Variants in ROBO2 observed in about 807,000 individuals in gnomAD.
ROBO2 encodes the protein roundabout homolog 2.
ROBO2 carries 53 observed loss-of-function variants against 160.8 expected under a neutral mutation model. The ratio of observed to expected loss-of-function variants is 0.33; its 90% CI spans 0.26 to 0.41. The LOEUF (loss-of-function observed/expected upper bound fraction) is 0.41. Among genes scored for constraint, ROBO2 ranks in the 10% least tolerant of loss-of-function variants. The pLI is 1.00. For synonymous variants in ROBO2, 664 were observed against 611.7 expected, an observed-to-expected ratio of 1.09 and a Z score of -1.26; for missense variants, 1,577 against 1,722.4, an observed-to-expected ratio of 0.92 and a Z score of 1.49.
chr3:76,404,190 A>G (rs1470317930), intron 2 of ROBO2, among the ~76,000 whole-genome samples: 1 of 151,716 alleles, frequency 6.6e-6, no homozygotes, highest in East Asian at 1.9e-4. Flanking sequence ...ACATTCACAT[A>G]GAAGGATTGG....
intron 2 of ROBO2, among the ~76,000 whole-genome samples, chr3:77,405,020 A>C (rs1230267442): frequency 6.6e-6 from 1 of 152,108 alleles, no homozygotes; most frequent in African/African-American, 2.4e-5. Context: ...AAATCACAGA[A>C]TTGTTTGTTT....
chr3:77,112,198 A>G (rs1366370080), intron 2 of ROBO2, among the ~76,000 whole-genome samples: 2,488 of 80,452 alleles, frequency 0.031, 73 homozygotes, highest in African/African-American at 0.076. Flanking sequence ...CGTCTCAAAA[A>G]AAAAAAAAAA....
intron 1 of ROBO2, among the ~76,000 whole-genome samples, chr3:77,091,642 C>T (rs1005057086): frequency 6.6e-6 from 1 of 151,982 alleles, no homozygotes; most frequent in South Asian, 2.1e-4. Flanking sequence ...TTCTTGGAAC[C>T]TTTCGCTGGT....
In ROBO2 at chr3:76,452,519, G is replaced by A. The variant is rs549791593; in HGVS notation, c.109+514917G>A. Among the ~76,000 whole-genome samples the A allele has an allele frequency of 2.8e-3, 419 of 152,164 alleles. 1 individual carries two copies. The highest frequency in any genetic ancestry group is 9.7e-3 in the African/African-American group (402 of 41,486). On this transcript the variant is annotated intron_variant, in intron 2 of 26. Coordinates refer to the ROBO2 transcript ENST00000487694. ...GGACATGAACTCATCATTTTATACG[G>A]CTGCATAGTATTCCATGGTGTATAT...
At chr3:76,537,479 G>A (rs1030085539) in intron 2 of ROBO2, among the ~76,000 whole-genome samples, 5 of 152,018 alleles carry the variant, frequency 3.3e-5, no homozygotes, top group Admixed American at 2.6e-4. Context: ...AGAAATTGAA[G>A]GAGAGAGAGA....
At chr3:77,332,333 T>G (rs1202153851) in intron 2 of ROBO2, among the ~76,000 whole-genome samples, 1 of 152,186 alleles carries the variant, frequency 6.6e-6, no homozygotes, top group Admixed American at 6.5e-5. Context: ...ATGTGAGCCA[T>G]CAGTCCAGGT....
intron 2 of ROBO2, among the ~76,000 whole-genome samples, chr3:77,022,449 G>A (rs1353160368): frequency 6.6e-6 from 1 of 152,152 alleles, no homozygotes; most frequent in Non-Finnish European, 1.5e-5. Context: ...TTCCGTTATA[G>A]CAACAGAAAA....
chr3:77,377,672 A>G (rs1350446829), intron 2 of ROBO2, among the ~76,000 whole-genome samples: 1 of 152,226 alleles, frequency 6.6e-6, no homozygotes, highest in African/African-American at 2.4e-5. Flanking sequence ...TGTCCATTGT[A>G]CCATGTTGTT....
At chr3:76,562,681 C>T (rs912670937) in intron 2 of ROBO2, among the ~76,000 whole-genome samples, 1 of 152,122 alleles carries the variant, frequency 6.6e-6, no homozygotes, top group African/African-American at 2.4e-5. Flanking sequence ...TTCTGCCATT[C>T]ATTTTTATCT....
rs60244842 is a variant in ROBO2, at chr3:76,479,087, G to C, written c.109+541485G>C. 3.1e-3 allele frequency among the ~76,000 whole-genome samples: 472 copies of C among 152,252 alleles called. 2 individuals carry two copies. Among genetic ancestry groups the C allele is most frequent in the African/African-American group, 0.011 (454 of 41,568 alleles). On this transcript the variant is annotated intron_variant, in intron 2 of 26. Coordinates refer to the ROBO2 transcript ENST00000487694. ...CATTAAGATGGCCTGGTTCTCACCT[G>C]CCTTTGTAGACATCAGGCAATCCTT...
chr3:77,096,352 A>G (rs896675344), intron 1 of ROBO2, among the ~76,000 whole-genome samples: 1 of 152,202 alleles, frequency 6.6e-6, no homozygotes, highest in Admixed American at 6.5e-5. Context: ...GGTAATTGAT[A>G]CCATATAAAT....
At chr3:77,211,663 G>C (rs971513194) in intron 2 of ROBO2, among the ~76,000 whole-genome samples, 25 of 152,302 alleles carry the variant, frequency 1.6e-4, no homozygotes, top group African/African-American at 5.5e-4. Context: ...CCTATGTCCT[G>C]AATGGTAATG....
chr3:76,574,813 G>T (rs1009188845), intron 2 of ROBO2, among the ~76,000 whole-genome samples: 1 of 152,064 alleles, frequency 6.6e-6, no homozygotes, highest in Non-Finnish European at 1.5e-5. Context: ...CTGAGCCTAA[G>T]ATGCTGTGTG....
chr3:77,096,910 C>T (rs1012219432), intron 1 of ROBO2, among the ~76,000 whole-genome samples: 2 of 152,182 alleles, frequency 1.3e-5, no homozygotes, highest in African/African-American at 2.4e-5. Flanking sequence ...TCTACCTAAA[C>T]CATCATTTCC....
chr3:77,150,737 T>A (rs563251337), intron 2 of ROBO2, among the ~76,000 whole-genome samples: 6 of 152,260 alleles, frequency 3.9e-5, no homozygotes, highest in Admixed American at 1.3e-4. Context: ...AGCCTTTTTT[T>A]TTTTATTATA....
chr3:76,641,487 A>G (rs184611005), intron 2 of ROBO2, among the ~76,000 whole-genome samples: 55 of 152,310 alleles, frequency 3.6e-4, no homozygotes, highest in Non-Finnish European at 7.6e-4. Flanking sequence ...TTTCAAAAGT[A>G]CATAGATCAT....
intron 2 of ROBO2, among the ~76,000 whole-genome samples, chr3:76,913,383 C>T (rs76540398): frequency 0.012 from 1,875 of 152,230 alleles, 36 homozygotes; most frequent in African/African-American, 0.043. Context: ...CTCCCTGCTG[C>T]TAATTCAAAT....
At chr3:77,103,725 T>C (rs2072380083) in intron 2 of ROBO2, among the ~76,000 whole-genome samples, 1 of 152,322 alleles carries the variant, frequency 6.6e-6, no homozygotes, top group East Asian at 1.9e-4. Flanking sequence ...ATTGCGAGAA[T>C]AGCAAAGCTA....
intron 2 of ROBO2, among the ~76,000 whole-genome samples, chr3:76,401,303 A>G (rs376621163): frequency 1.3e-5 from 2 of 151,532 alleles, no homozygotes; most frequent in African/African-American, 2.4e-5. Context: ...ATGACACACT[A>G]CGTGACTGTA....
Sources: allele counts gnomAD v4.1 joint callset (sites outside exome capture counted in the v4.1 genomes callset), GRCh38; gene constraint gnomAD v4.1.1; transcripts MANE v1.5; gene names NCBI Gene and HGNC (gene_info 2026-07-23, HGNC 2026-07-21).